Variants in ARPC2 observed in about 807,000 individuals in gnomAD.
ARPC2 encodes the protein actin related protein 2/3 complex subunit 2.
ARPC2 carries 4 observed loss-of-function variants against 38.6 expected under a neutral mutation model. The observed-to-expected ratio is 0.10, with a 90% CI of 0.05 to 0.24. ARPC2 has a LOEUF of 0.24. ARPC2 is among the 10% of genes least tolerant of loss of function. The probability of loss-of-function intolerance (pLI) is 1.00; values close to 1 mark genes in which losing one functional copy is unlikely to be tolerated. For missense variants in ARPC2, 229 were observed against 387.3 expected, an observed-to-expected ratio of 0.59 and a Z score of 3.43; for synonymous variants, 125 against 140.8, an observed-to-expected ratio of 0.89 and a Z score of 0.79.
At chr2:218,218,363 C>G (rs912055687) in intron 2 of ARPC2, among the ~76,000 whole-genome samples, 1 of 152,254 alleles carries the variant, frequency 6.6e-6, no homozygotes, top group Non-Finnish European at 1.5e-5. Flanking sequence ...TCTTAGATAA[C>G]CTGTCTTTAC....
intron 2 of ARPC2, among the ~76,000 whole-genome samples, chr2:218,218,092 G>T (rs898817656): frequency 6.6e-6 from 1 of 152,146 alleles, no homozygotes; most frequent in Admixed American, 6.5e-5. Flanking sequence ...CCGGAAAAAC[G>T]CGATCTCTGG....
intron 7 of ARPC2, among the ~76,000 whole-genome samples, chr2:218,242,016 C>A (rs2106155719): frequency 6.6e-6 from 1 of 152,320 alleles, no homozygotes. Context: ...GAAAGTTGTA[C>A]CCTGAGAACA....
In ARPC2 at chr2:218,217,208, C is replaced by T. The variant is rs1689264729; in HGVS notation, c.-55C>T. On this transcript the variant is annotated 5_prime_UTR_variant, in exon 1 of 11. Transcript: ENST00000315717. ...GGGCTTGTCGGTGAAGCGGCAGTGG[C>T]GGCGGCGGCGGCGGCTCGGCAGGCG... The T allele has an allele frequency of 8.6e-6, 3 of 350,570 alleles. No homozygotes were observed. The highest frequency in any genetic ancestry group is 5.6e-5 in the East Asian group (1 of 17,812). 21.7% of individuals were successfully genotyped at this position (350,570 alleles called of 1,614,324 possible). A position where few individuals can be genotyped will look rare whatever the true frequency, so the allele number is the denominator to read the frequency against.
chr2:218,236,083 C>G (rs1689761708), intron 5 of ARPC2: 1 of 61,578 alleles, frequency 1.6e-5, no homozygotes, highest in South Asian at 1.1e-3. Context: ...GAGCAAGATT[C>G]AGTCTCGAGA....
intron 2 of ARPC2, among the ~76,000 whole-genome samples, chr2:218,224,354 G>A (rs1262191538): frequency 1.3e-5 from 2 of 152,174 alleles, no homozygotes; most frequent in African/African-American, 4.8e-5. Context: ...ACTAAGTGAT[G>A]TAATAATGGG....
At chr2:218,237,794 C>G (rs1432661759) in intron 5 of ARPC2, among the ~76,000 whole-genome samples, 1 of 152,118 alleles carries the variant, frequency 6.6e-6, no homozygotes, top group Non-Finnish European at 1.5e-5. Context: ...CTCAAAACTC[C>G]TGACCTCAGG....
intron 2 of ARPC2, 130 bp from the exon 3 acceptor site, chr2:218,225,790 G>A: frequency 1.3e-6 from 1 of 770,474 alleles, no homozygotes; most frequent in South Asian, 1.5e-5. Context: ...TGTGTACTCT[G>A]ATTGGCAGTA....
At chr2:218,218,191 C>A (rs535837899) in intron 2 of ARPC2, among the ~76,000 whole-genome samples, 1 of 152,316 alleles carries the variant, frequency 6.6e-6, no homozygotes, top group African/African-American at 2.4e-5. Context: ...CGCTCCACAC[C>A]CCTTCCTTAT....
At chr2:218,250,057 C>A in intron 10 of ARPC2, 136 bp downstream of exon 10, 2 of 692,158 alleles carry the variant, frequency 2.9e-6, no homozygotes, top group Non-Finnish European at 4.7e-6. Flanking sequence ...AGTAGATAAA[C>A]CAAAGGTGGG....
In ARPC2 at chr2:218,230,287, C is replaced by CTTTTT. The variant is rs768585570; in HGVS notation, c.222+1457_222+1461dup. Among the ~76,000 whole-genome samples, 161 of 73,006 alleles carry CTTTTT rather than the reference C, an allele frequency of 2.2e-3. 3 individuals carry two copies. Among genetic ancestry groups the CTTTTT allele is most frequent in the South Asian group, 3.1e-3 (5 of 1,602 alleles). 47.9% of individuals were successfully genotyped at this position (73,006 alleles called of 152,430 possible). A position where few individuals can be genotyped will look rare whatever the true frequency, so the allele number is the denominator to read the frequency against. ...GTGCCCAGCCTTTTCTTTTTTTTTTCTTTTTTTTTTTTTTTTTTTTTTTTG... is the reference window on the plus strand; with the variant it reads ...GTGCCCAGCCTTTTCTTTTTTTTTTCTTTTTTTTTTTTTTTTTTTTTTTTTTTTTG... On this transcript the variant is annotated intron_variant, in intron 4 of 10. Transcript: ENST00000315717.
intron 10 of ARPC2, among the ~76,000 whole-genome samples, chr2:218,250,204 A>T (rs747661552): frequency 2.0e-5 from 3 of 152,234 alleles, no homozygotes; most frequent in Non-Finnish European, 1.5e-5. Flanking sequence ...TTATGAGGTC[A>T]GTCTTGTGCT....
intron 8 of ARPC2, among the ~76,000 whole-genome samples, chr2:218,247,490 CTT>C (rs1553649712): frequency 6.6e-6 from 1 of 151,724 alleles, no homozygotes; most frequent in Non-Finnish European, 1.5e-5. Flanking sequence ...TTTCTTTTTT[CTT>C]TCTCTCTGTC....
chr2:218,217,365 C>T (rs1689274290), intron 1 of ARPC2, 98 bp from the exon 2 acceptor site: 2 of 1,128,426 alleles, frequency 1.8e-6, no homozygotes, highest in Non-Finnish European at 2.7e-6. Flanking sequence ...CCTCCTACCC[C>T]ACCCAGCCCC....
intron 4 of ARPC2, among the ~76,000 whole-genome samples, chr2:218,230,287 C>CTTTTTTTTTTTTTTTTTTT (rs768585570): frequency 2.3e-4 from 17 of 73,008 alleles, no homozygotes; most frequent in African/African-American, 4.0e-4. Context: ...TTTTTTTTTT[C>CTTTTTTTTTTTTTTTTTTT]TTTTTTTTTT....
At chr2:218,222,603 T>A (rs747100999) in intron 2 of ARPC2, among the ~76,000 whole-genome samples, 15 of 152,212 alleles carry the variant, frequency 9.9e-5, no homozygotes, top group Non-Finnish European at 1.3e-4. Context: ...TGTTTTTCCT[T>A]GTACTGCTAA....
chr2:218,251,822 T>C (rs987664415), intron 10 of ARPC2, among the ~76,000 whole-genome samples: 2 of 152,180 alleles, frequency 1.3e-5, no homozygotes, highest in African/African-American at 4.8e-5. Flanking sequence ...CTCTCTCTCT[T>C]GCATTTGAGG....
At position 218,235,579 on chromosome 2, in the gene ARPC2, T is replaced by A. The variant is rs959747838; in HGVS notation, c.268+1182T>A. ...TAAAAGCCAAGATAACACTGTAGGC[T>A]TTTGGCAAAATCAAGGTATTAAAAG... On this transcript the variant is annotated intron_variant, in intron 5 of 10. Transcript: ENST00000315717. The A allele has an allele frequency of 5.3e-5, 8 of 152,186 alleles. No individual in the cohort carries two copies. In the East Asian group the frequency reaches 1.5e-3, roughly 29 times the overall value. The allele number at this position is 152,186 out of a possible 1,614,324, so 9.4% of individuals were successfully genotyped here. A position where few individuals can be genotyped will look rare whatever the true frequency, so the allele number is the denominator to read the frequency against.
In ARPC2 at chr2:218,221,896, T is replaced by C. The variant is rs1448948678; in HGVS notation, c.75-4024T>C. Among the ~76,000 whole-genome samples, 3 of 152,274 alleles carry C rather than the reference T, an allele frequency of 2.0e-5. No individual in the cohort carries two copies. The East Asian group carries it at 5.8e-4, about 29-fold the overall frequency. On this transcript the variant is annotated intron_variant, in intron 2 of 10. Coordinates refer to ENST00000315717, the MANE Select transcript of ARPC2 (RefSeq NM_152862.3). Reference sequence around the variant, plus strand: ...TTAAAGGAGAATGCTCAGAAACCTTTATAGTGAGCAGAATTCAGTAATTCC... The same window carrying C: ...TTAAAGGAGAATGCTCAGAAACCTTCATAGTGAGCAGAATTCAGTAATTCC...
chr2:218,247,952 TAAAAAAA>T (rs10716505), intron 8 of ARPC2, among the ~76,000 whole-genome samples: 1 of 145,664 alleles, frequency 6.9e-6, no homozygotes, highest in Non-Finnish European at 1.5e-5. Flanking sequence ...CAAAAAAAAT[TAAAAAAA>T]AAAAAAAGAA....
Sources: allele counts gnomAD v4.1 joint callset (sites outside exome capture counted in the v4.1 genomes callset), GRCh38; gene constraint gnomAD v4.1.1; transcripts MANE v1.5; gene names NCBI Gene and HGNC (gene_info 2026-07-23, HGNC 2026-07-21).